The following CDK13 variants were observed in gnomAD, a reference collection of about 807,000 sequenced individuals.
The protein encoded by CDK13 is cyclin-dependent kinase 13.
A neutral mutation model predicts 137.6 loss-of-function variants in CDK13; 40 were observed. The ratio of observed to expected loss-of-function variants is 0.29; its 90% CI spans 0.23 to 0.38. CDK13 has a LOEUF of 0.38. Among genes scored for constraint, CDK13 ranks in the 10% least tolerant of loss-of-function variants. The pLI is 1.00. For missense variants in CDK13, 1,704 were observed against 1,951.8 expected (o/e 0.87, Z 2.39); for synonymous variants, 869 against 760.1 (o/e 1.14, Z -2.36).
intron 5 of CDK13, among the ~76,000 whole-genome samples, chr7:40,024,645 G>GGTTTTT (rs1785202598): frequency 3.2e-4 from 16 of 50,266 alleles, no homozygotes; most frequent in African/African-American, 1.3e-3. Flanking sequence ...GTAGCTCTGT[G>GGTTTTT]TTTTTTTTTT....
chr7:40,085,823 G>A (rs1390004373), intron 11 of CDK13: 1 of 152,448 alleles, frequency 6.6e-6, no homozygotes, highest in Non-Finnish European at 1.5e-5. Context: ...CTCATCATTG[G>A]TCCATGCATG....
intron 5 of CDK13, among the ~76,000 whole-genome samples, chr7:40,002,796 G>A (rs890795917): frequency 2.6e-5 from 4 of 151,032 alleles, no homozygotes; most frequent in Non-Finnish European, 5.9e-5. Context: ...CAGACACAGT[G>A]TCTCACATCT....
chr7:40,066,450 A>G (rs943663807), intron 9 of CDK13, among the ~76,000 whole-genome samples: 1 of 152,202 alleles, frequency 6.6e-6, no homozygotes, highest in Non-Finnish European at 1.5e-5. Flanking sequence ...GTCACTTTCT[A>G]GTAAGACTAT....
chr7:40,047,178 A>G (rs533473789), intron 6 of CDK13, among the ~76,000 whole-genome samples: 1 of 152,332 alleles, frequency 6.6e-6, no homozygotes, highest in African/African-American at 2.4e-5. Context: ...AAATTTTAAA[A>G]AAGCAGTCAC....
At chr7:39,977,678 C>G (rs1337241262) in intron 1 of CDK13, among the ~76,000 whole-genome samples, 2 of 152,136 alleles carry the variant, frequency 1.3e-5, no homozygotes, top group African/African-American at 4.8e-5. Flanking sequence ...ACTTTATATG[C>G]AAGTCAAGCA....
intron 5 of CDK13, among the ~76,000 whole-genome samples, chr7:40,042,210 C>T (rs983157885): frequency 3.3e-5 from 5 of 151,938 alleles, no homozygotes; most frequent in African/African-American, 4.8e-5. Context: ...TCCCGAGTAG[C>T]TGGGATTACA....
At position 40,062,834 on chromosome 7, in the gene CDK13, A is replaced by G. The variant is rs2150526766; in HGVS notation, c.2609A>G (p.Tyr870Cys). 6.2e-7 allele frequency: 1 copy of G among 1,611,444 alleles called. No homozygotes were observed. Among genetic ancestry groups the G allele is most frequent in the Admixed American group, 1.7e-5 (1 of 60,000 alleles). The change falls in exon 8 of 14, where the codon TAT (tyrosine) becomes TGT (cysteine). Residue 870 changes from tyrosine (Y) to cysteine (C), a missense_variant. Coordinates refer to ENST00000181839, the MANE Select transcript of CDK13 (RefSeq NM_003718.5). ...TTTTCTGTGTTTTTTAGTCGGCCGT[A>G]TACTAACAAGGTAATTACTTTATGG... is the stretch of plus-strand genomic sequence containing the variant. ...RLYSSEESRPYTNKVITLWYR... is the reference protein window; with the variant it reads ...RLYSSEESRPCTNKVITLWYR...
chr7:39,992,699 T>G (rs1396557773), intron 2 of CDK13, among the ~76,000 whole-genome samples: 1 of 151,772 alleles, frequency 6.6e-6, no homozygotes, highest in Middle Eastern at 3.4e-3. Flanking sequence ...GCCCTATGAC[T>G]TTTTGAAGAG....
intron 4 of CDK13, 98 bp from the exon 5 acceptor site, chr7:40,001,763 A>G: frequency 1.2e-6 from 1 of 808,174 alleles, no homozygotes; most frequent in Non-Finnish European, 2.1e-6. Flanking sequence ...TATTTTTGAG[A>G]AATAAGAACA....
In CDK13 at chr7:39,951,693, A is replaced by C. The variant is rs766458092; in HGVS notation, c.1052A>C (p.Tyr351Ser). ...PSPAGGGSSP[Y>S]SRRLPRSPSP... is the part of the protein sequence containing the mutation. ...CCGGCAGGAGGTGGCAGCAGCCCCTATTCTCGGCGGCTGCCGCGCTCCCCG... is the reference window on the plus strand; with the variant it reads ...CCGGCAGGAGGTGGCAGCAGCCCCTCTTCTCGGCGGCTGCCGCGCTCCCCG... The change falls in exon 1 of 14, where the codon TAT becomes TCT. Residue 351 changes from tyrosine to serine, a missense_variant. Tyr to Ser is a moderately radical substitution (Grantham distance 144). Transcript: ENST00000181839. 3 of 1,465,878 alleles carry C rather than the reference A, an allele frequency of 2.0e-6. No individual in the cohort carries two copies. In the East Asian group the frequency reaches 8.0e-5, roughly 39 times the overall value. The allele number at this position is 1,465,878 out of a possible 1,614,324, so 90.8% of individuals were successfully genotyped here.
At chr7:40,090,019 T>C (rs1786886988) in intron 12 of CDK13, among the ~76,000 whole-genome samples, 1 of 152,198 alleles carries the variant, frequency 6.6e-6, no homozygotes, top group Non-Finnish European at 1.5e-5. Context: ...AATTGTTATT[T>C]GTTGTTCAAA....
intron 9 of CDK13, among the ~76,000 whole-genome samples, chr7:40,064,367 A>C (rs1277054132): frequency 6.6e-6 from 1 of 152,150 alleles, no homozygotes; most frequent in African/African-American, 2.4e-5. Context: ...TTTCCATGAA[A>C]GTTTCAAAAT....
At chr7:39,956,067 A>G (rs1787398812) in intron 1 of CDK13, among the ~76,000 whole-genome samples, 1 of 152,216 alleles carries the variant, frequency 6.6e-6, no homozygotes, top group African/African-American at 2.4e-5. Flanking sequence ...CTATAGTTCA[A>G]AAGTATATGA....
intron 5 of CDK13, among the ~76,000 whole-genome samples, chr7:40,044,397 C>T (rs1482279045): frequency 6.6e-6 from 1 of 151,818 alleles, no homozygotes; most frequent in Non-Finnish European, 1.5e-5. Flanking sequence ...CAGCTTACTG[C>T]AACCTCTGCC....
At chr7:40,086,683 T>C (rs1365856961) in intron 11 of CDK13, among the ~76,000 whole-genome samples, 1 of 152,198 alleles carries the variant, frequency 6.6e-6, no homozygotes, top group East Asian at 1.9e-4. Flanking sequence ...TATGCCAGGA[T>C]TACCTATTTT....
intron 4 of CDK13, among the ~76,000 whole-genome samples, chr7:39,999,829 T>G (rs1309173761): frequency 6.6e-6 from 1 of 152,264 alleles, no homozygotes; most frequent in African/African-American, 2.4e-5. Context: ...CTGAATTAAT[T>G]TTAGTAGTAA....
intron 5 of CDK13, among the ~76,000 whole-genome samples, chr7:40,009,801 T>C (rs1055000041): frequency 6.6e-6 from 1 of 152,220 alleles, no homozygotes; most frequent in Non-Finnish European, 1.5e-5. Context: ...GGACATCTTA[T>C]GAAAAACAGG....
intron 5 of CDK13, among the ~76,000 whole-genome samples, chr7:40,045,621 G>A (rs1309830444): frequency 6.7e-6 from 1 of 148,196 alleles, no homozygotes; most frequent in Non-Finnish European, 1.5e-5. Flanking sequence ...CTGTTTTTTT[G>A]CGGGGAGAAG....
At chr7:39,954,181 G>T (rs1450323444) in intron 1 of CDK13, among the ~76,000 whole-genome samples, 1 of 151,994 alleles carries the variant, frequency 6.6e-6, no homozygotes, top group Non-Finnish European at 1.5e-5. Flanking sequence ...GAGTCTTCTA[G>T]ACTAAAAAAC....
Sources: gnomAD v4.1 joint callset for allele counts (sites outside exome capture counted in the v4.1 genomes callset) on GRCh38, gnomAD v4.1.1 for gene constraint, MANE v1.5 for transcripts, NCBI Gene and HGNC (gene_info 2026-07-23, HGNC 2026-07-21) for gene names.